Variants in CIMIP7 observed in about 807,000 individuals in gnomAD.
The protein encoded by CIMIP7 is ciliary microtubule inner protein 7, also known as uncharacterized protein C3orf84.
the CIMIP7 span, among the ~76,000 whole-genome samples, chr3:49,186,639 G>A: frequency 1.3e-5 from 2 of 152,140 alleles, no homozygotes; most frequent in South Asian, 2.1e-4. Context: ...TCCTGACCTC[G>A]TGATCCGCCT....
At chr3:49,177,992 G>A in the CIMIP7 span, 33 of 1,612,118 alleles carry the variant, frequency 2.0e-5, no homozygotes, top group South Asian at 1.4e-4. Flanking sequence ...AAGGTGTGCC[G>A]CTGCCACAGG....
the CIMIP7 span, chr3:49,189,776 C>A: frequency 3.2e-6 from 2 of 621,546 alleles, no homozygotes; most frequent in Admixed American, 3.9e-5. Flanking sequence ...CCTGTAGCTA[C>A]CCACCCCGGC....
chr3:49,188,966 T>TTA, the CIMIP7 span, among the ~76,000 whole-genome samples: 4 of 143,870 alleles, frequency 2.8e-5, no homozygotes, highest in African/African-American at 1.0e-4. Context: ...GCCCGGTTAT[T>TTA]TTTTTTTTTT....
the CIMIP7 span, chr3:49,178,063 G>A: frequency 6.4e-7 from 1 of 1,571,264 alleles, no homozygotes; most frequent in Non-Finnish European, 8.6e-7. Flanking sequence ...CTCCTCAACG[G>A]TATGGGCCCT....
the CIMIP7 span, among the ~76,000 whole-genome samples, chr3:49,190,761 C>T: frequency 1.3e-5 from 2 of 151,088 alleles, no homozygotes; most frequent in Admixed American, 6.6e-5. Context: ...CTCTGCCTCC[C>T]GGGTTCAATC....
chr3:49,191,828 T>G, the CIMIP7 span: 1 of 1,512,400 alleles, frequency 6.6e-7, no homozygotes, highest in South Asian at 1.2e-5. Context: ...GGAGGGTATC[T>G]TCAGGAAAGA....
the CIMIP7 span, among the ~76,000 whole-genome samples, chr3:49,185,858 T>G: frequency 6.6e-6 from 1 of 151,002 alleles, no homozygotes; most frequent in South Asian, 2.1e-4. Context: ...TCCCTGCCAA[T>G]TTTTTGTATT....
the CIMIP7 span, among the ~76,000 whole-genome samples, chr3:49,184,852 A>C: frequency 6.9e-6 from 1 of 145,856 alleles, no homozygotes; most frequent in African/African-American, 2.5e-5. Context: ...CTGGTCTTAA[A>C]CTCCTGGCCT....
At chr3:49,187,551 A>T in the CIMIP7 span, among the ~76,000 whole-genome samples, 1 of 152,196 alleles carries the variant, frequency 6.6e-6, no homozygotes, top group South Asian at 2.1e-4. Context: ...AGGAACTAAG[A>T]GAACCAGAAT....
chr3:49,178,098 A>G, the CIMIP7 span: 1 of 1,504,834 alleles, frequency 6.6e-7, no homozygotes, highest in Non-Finnish European at 8.9e-7. Flanking sequence ...GGCACCAAGC[A>G]CCTTCTTGGG....
At chr3:49,191,659 CT>C in the CIMIP7 span, 3 of 1,464,170 alleles carry the variant, frequency 2.0e-6, no homozygotes, top group Non-Finnish European at 2.8e-6. Flanking sequence ...AAATGAAAAC[CT>C]TTTCACTTCA....
the CIMIP7 span, among the ~76,000 whole-genome samples, chr3:49,190,485 G>A: frequency 6.7e-6 from 1 of 150,346 alleles, no homozygotes. Flanking sequence ...CCCCTTTGTT[G>A]TTCTCTCCAC....
the CIMIP7 span, among the ~76,000 whole-genome samples, chr3:49,190,725 G>A: frequency 6.9e-6 from 1 of 144,874 alleles, no homozygotes. Flanking sequence ...CTGGAGTGCA[G>A]TGGTGCGATC....
At chr3:49,178,149 T>G in the CIMIP7 span, 1 of 1,197,116 alleles carries the variant, frequency 8.4e-7, no homozygotes, top group Non-Finnish European at 1.1e-6. Context: ...ACCTGTCCTA[T>G]GCCTGGCTGT....
At chr3:49,179,011 G>A in the CIMIP7 span, among the ~76,000 whole-genome samples, 7 of 152,204 alleles carry the variant, frequency 4.6e-5, no homozygotes, top group Admixed American at 1.3e-4. Flanking sequence ...GTAGACAACT[G>A]CCTACTCCAC....
At chr3:49,181,070 A>G in the CIMIP7 span, among the ~76,000 whole-genome samples, 2 of 149,484 alleles carry the variant, frequency 1.3e-5, no homozygotes, top group Non-Finnish European at 3.0e-5. Context: ...GGCTGGGCAC[A>G]GTGGCTCATG....
At chr3:49,184,474 A>G in the CIMIP7 span, among the ~76,000 whole-genome samples, 1 of 152,100 alleles carries the variant, frequency 6.6e-6, no homozygotes, top group Non-Finnish European at 1.5e-5. Context: ...GGCATGTGCC[A>G]CCACACTGGC....
chr3:49,179,170 C>G, the CIMIP7 span, among the ~76,000 whole-genome samples: 8,361 of 152,224 alleles, frequency 0.055, 781 homozygotes, highest in African/African-American at 0.19. Flanking sequence ...ATTCTCTTCT[C>G]TCATACCCCA....
chr3:49,183,201 A>G, the CIMIP7 span, among the ~76,000 whole-genome samples: 4 of 152,240 alleles, frequency 2.6e-5, no homozygotes, highest in Non-Finnish European at 4.4e-5. Flanking sequence ...ATCATTAAAC[A>G]TCAGGGAAAT....
Sources: gnomAD v4.1 joint callset for allele counts (sites outside exome capture counted in the v4.1 genomes callset) on GRCh38, gnomAD v4.1.1 for gene constraint, MANE v1.5 for transcripts, NCBI Gene and HGNC (gene_info 2026-07-23, HGNC 2026-07-21) for gene names.